Variants in NSG2 observed in about 807,000 individuals in gnomAD.
NSG2 encodes neuronal vesicle trafficking associated 2.
NSG2 carries 4 observed loss-of-function variants against 16.9 expected under a neutral mutation model. The observed-to-expected ratio is 0.24, with a 90% confidence interval of 0.12 to 0.54. The LOEUF (loss-of-function observed/expected upper bound fraction) is 0.54. Among genes scored for constraint, NSG2 ranks in the 20% least tolerant of loss-of-function variants. The pLI is 0.95. For missense variants in NSG2, 179 were observed against 221.1 expected, an observed-to-expected ratio of 0.81 and a Z score of 1.21; for synonymous variants, 98 against 88.7, an observed-to-expected ratio of 1.11 and a Z score of -0.59.
At chr5:174,058,182 G>C (rs950589810) in intron 2 of NSG2, among the ~76,000 whole-genome samples, 1 of 152,204 alleles carries the variant, frequency 6.6e-6, no homozygotes, top group Non-Finnish European at 1.5e-5. Flanking sequence ...GCTGGGGCAG[G>C]AGGGTCAAGG....
chr5:174,056,880 T>C (rs1759974853), intron 2 of NSG2, among the ~76,000 whole-genome samples: 1 of 152,224 alleles, frequency 6.6e-6, no homozygotes, highest in South Asian at 2.1e-4. Flanking sequence ...GATCTGTACT[T>C]TGCACTGTCT....
chr5:174,095,519 G>A (rs1252690705), intron 3 of NSG2, among the ~76,000 whole-genome samples: 1 of 152,142 alleles, frequency 6.6e-6, no homozygotes, highest in African/African-American at 2.4e-5. Flanking sequence ...CTGTGGGTCT[G>A]TCTCCCTCCG....
intron 4 of NSG2, among the ~76,000 whole-genome samples, chr5:174,105,261 G>T (rs184608185): frequency 9.8e-5 from 15 of 152,294 alleles, no homozygotes; most frequent in African/African-American, 2.6e-4. Context: ...AAGTGTGCCA[G>T]CCTGAAAATG....
At chr5:174,092,637 G>C (rs1760736867) in intron 3 of NSG2, among the ~76,000 whole-genome samples, 1 of 152,186 alleles carries the variant, frequency 6.6e-6, no homozygotes, top group Non-Finnish European at 1.5e-5. Flanking sequence ...ACAACAAGAA[G>C]CATTAATTTG....
intron 3 of NSG2, among the ~76,000 whole-genome samples, chr5:174,101,821 G>A (rs889340955): frequency 6.6e-5 from 10 of 152,152 alleles, no homozygotes; most frequent in East Asian, 5.8e-4. Flanking sequence ...TTTGTGAGTC[G>A]TGGTCTTGGG....
At chr5:174,085,903 C>G (rs1019352253) in intron 3 of NSG2, among the ~76,000 whole-genome samples, 1 of 152,188 alleles carries the variant, frequency 6.6e-6, no homozygotes, top group Non-Finnish European at 1.5e-5. Context: ...TTCGTCAAAC[C>G]GTTGTTGTTA....
At chr5:174,106,092 A>G (rs972531398) in intron 4 of NSG2, among the ~76,000 whole-genome samples, 1 of 152,156 alleles carries the variant, frequency 6.6e-6, no homozygotes, top group African/African-American at 2.4e-5. Flanking sequence ...GGTCCTGCCT[A>G]TGTGTGGGCA....
chr5:174,079,857 T>C (rs68134357), intron 3 of NSG2, among the ~76,000 whole-genome samples: 20,388 of 152,198 alleles, frequency 0.13, 1,862 homozygotes, highest in African/African-American at 0.25. Flanking sequence ...AGGGAAAATA[T>C]TGATACATTT....
intron 4 of NSG2, among the ~76,000 whole-genome samples, chr5:174,105,346 C>T (rs2113481390): frequency 6.6e-6 from 1 of 152,316 alleles, no homozygotes; most frequent in African/African-American, 2.4e-5. Flanking sequence ...CACCTATCAC[C>T]TGGTTGCCTC....
At chr5:174,051,251 CCTG>C (rs1759884365) in intron 2 of NSG2, among the ~76,000 whole-genome samples, 1 of 152,090 alleles carries the variant, frequency 6.6e-6, no homozygotes, top group African/African-American at 2.4e-5. Context: ...GTCCCCCAGT[CCTG>C]CCCCTGGGTA....
intron 2 of NSG2, among the ~76,000 whole-genome samples, chr5:174,057,171 G>T (rs528560260): frequency 2.4e-4 from 37 of 152,280 alleles, no homozygotes; most frequent in African/African-American, 8.4e-4. Flanking sequence ...AAGAGTAGGA[G>T]AAATTTTGCC....
In NSG2 at chr5:174,107,742, G is replaced by A; in HGVS notation, c.*237G>A. The A allele has an allele frequency of 1.5e-6, 1 of 683,092 alleles. No homozygotes were observed. The allele number at this position is 683,092 out of a possible 1,614,324, so 42.3% of individuals were successfully genotyped here. A position where few individuals can be genotyped will look rare whatever the true frequency, so the allele number is the denominator to read the frequency against. ...TCGCCGAGTCAGGCTCATGTACAAA[G>A]GCATGTTTCGTGTTGATTGTTCCCA... On this transcript the variant is annotated 3_prime_UTR_variant, in exon 5 of 5. Coordinates refer to ENST00000303177, the MANE Select transcript of NSG2 (RefSeq NM_015980.5). This position sits in a 1 kb window ranked among gnomAD's most constrained non-coding sequence, Gnocchi z 4.5.
At chr5:174,056,301 T>G (rs1201521322) in intron 2 of NSG2, 1 of 152,220 alleles carries the variant, frequency 6.6e-6, no homozygotes, top group Non-Finnish European at 1.5e-5. Flanking sequence ...CATAGAATGA[T>G]TGAAAAGATT....
intron 3 of NSG2, among the ~76,000 whole-genome samples, chr5:174,086,847 C>G (rs993431646): frequency 6.6e-6 from 1 of 152,198 alleles, no homozygotes; most frequent in African/African-American, 2.4e-5. Flanking sequence ...GCAGGGCCCT[C>G]GGACCCTCGC....
Position 174,080,564 on chromosome 5 carries a change from T to A in NSG2, c.213+16249T>A, listed in dbSNP as rs566916480. Among the ~76,000 whole-genome samples the A allele has an allele frequency of 2.0e-5, 3 of 150,670 alleles. No homozygotes were observed. In the East Asian group the frequency reaches 5.8e-4, roughly 29 times the overall value. ...CTCTCTCTCTCTTTCTTTTCTTTCT[T>A]TTCTTTCTTTTCTTTCTTGACAGAG... On this transcript the variant is annotated intron_variant, in intron 3 of 4. Transcript: ENST00000303177.
chr5:174,080,547 C>CTTT (rs1561668676), intron 3 of NSG2, among the ~76,000 whole-genome samples: 6 of 141,120 alleles, frequency 4.3e-5, no homozygotes, highest in Non-Finnish European at 9.4e-5. Context: ...CTCTCTCTCT[C>CTTT]TCTTTCTTTT....
chr5:174,067,694 G>T (rs898466980), intron 3 of NSG2, among the ~76,000 whole-genome samples: 1 of 152,252 alleles, frequency 6.6e-6, no homozygotes, highest in Non-Finnish European at 1.5e-5. Flanking sequence ...TGCACCTGCA[G>T]GTGCAGAGGT....
intron 3 of NSG2, among the ~76,000 whole-genome samples, chr5:174,081,887 C>CA (rs60742273): frequency 0.048 from 3,367 of 69,546 alleles, 105 homozygotes; most frequent in Middle Eastern, 0.095. Context: ...GACTCCGACT[C>CA]AAAAAAAAAA....
intron 3 of NSG2, among the ~76,000 whole-genome samples, chr5:174,073,795 C>T (rs560719864): frequency 1.1e-4 from 16 of 152,230 alleles, no homozygotes; most frequent in African/African-American, 3.4e-4. Context: ...CTTTTATTAC[C>T]GGCTTTACAT....
Sources: gnomAD v4.1 joint callset for allele counts (sites outside exome capture counted in the v4.1 genomes callset) on GRCh38, gnomAD v4.1.1 for gene constraint, Gnocchi (gnomAD v3.1) non-coding constraint, MANE v1.5 for transcripts, NCBI Gene and HGNC (gene_info 2026-07-23, HGNC 2026-07-21) for gene names.